The following CDH4 variants were observed in gnomAD, a reference collection of about 807,000 sequenced individuals.
CDH4 encodes the protein cadherin-4.
In CDH4, 33 loss-of-function variants were observed where a neutral mutation model predicts 86.0. The observed-to-expected ratio is 0.38, with a 90% CI of 0.29 to 0.51. The LOEUF (loss-of-function observed/expected upper bound fraction) is 0.51, where lower values mean the gene tolerates loss of function less well. Among genes scored for constraint, CDH4 ranks in the 20% least tolerant of loss-of-function variants. CDH4 has a pLI of 0.86. For synonymous variants in CDH4, 555 were observed against 549.4 expected (o/e 1.01, Z -0.14); for missense variants, 1,114 against 1,307.4 (o/e 0.85, Z 2.28).
intron 9 of CDH4, among the ~76,000 whole-genome samples, chr20:61,921,198 C>CGTGATTGCATGGAAGCACTGTGTCACA (rs2054979017): frequency 7.0e-6 from 1 of 143,160 alleles, no homozygotes; most frequent in Admixed American, 7.1e-5. Context: ...AGCGTGGTGT[C>CGTGATTGCATGGAAGCACTGTGTCACA]GTGATTGCAT....
chr20:61,266,312 C>T (rs2123130112), intron 2 of CDH4, among the ~76,000 whole-genome samples: 1 of 152,038 alleles, frequency 6.6e-6, no homozygotes, highest in East Asian at 2.0e-4. Flanking sequence ...CACTCTGTCT[C>T]TCCCCAGGGG....
chr20:61,627,100 A>G (rs182849721), intron 2 of CDH4, among the ~76,000 whole-genome samples: 31 of 152,160 alleles, frequency 2.0e-4, no homozygotes, highest in African/African-American at 7.2e-4. Context: ...AGAAAGGCCT[A>G]TCAGCTCAGC....
At chr20:61,750,487 T>TCCACA (rs2088479293) in intron 3 of CDH4, among the ~76,000 whole-genome samples, 1 of 152,200 alleles carries the variant, frequency 6.6e-6, no homozygotes, top group Admixed American at 6.5e-5. Context: ...CAAAGAACTG[T>TCCACA]CCACACCTGT....
rs190204992 is a variant in CDH4 at position 61,337,054 on chromosome 20, G to A, written c.169+82117G>A. Among the ~76,000 whole-genome samples, 395 of 152,164 alleles carry A rather than the reference G, an allele frequency of 2.6e-3. 5 individuals carry two copies. The highest frequency in any genetic ancestry group is 0.013 in the South Asian group (61 of 4,814). The stretch of plus-strand genomic sequence containing the variant: ...CACAGCAAGGGCTGGAGACAGGCCT[G>A]GGTTGGAATCCTGACTCAACTGTTC... On this transcript the variant is annotated intron_variant, in intron 2 of 15. Transcript: ENST00000614565.
At position 61,516,834 on chromosome 20, in the gene CDH4, A is replaced by G. The variant is rs1472760517; in HGVS notation, c.170-226729A>G. Among the ~76,000 whole-genome samples, 1 of 152,160 alleles carries G rather than the reference A, an allele frequency of 6.6e-6. No homozygotes were observed. The highest frequency in any genetic ancestry group is 1.5e-5 in the Non-Finnish European group (1 of 68,028). On this transcript the variant is annotated intron_variant, in intron 2 of 15. Coordinates refer to ENST00000614565, the MANE Select transcript of CDH4 (RefSeq NM_001794.5). The surrounding 1 kb of genome is among the most constrained non-coding windows in gnomAD (Gnocchi z 4.0). ...TTGGGAACCTGGGCTCGCTGTCCAC[A>G]CAGCCCCTGCTCCCCTACTCCCTGG...
intron 9 of CDH4, among the ~76,000 whole-genome samples, chr20:61,919,820 C>CACG: frequency 9.4e-6 from 1 of 106,830 alleles, no homozygotes; most frequent in East Asian, 3.9e-4. Flanking sequence ...GGAAGTGTGT[C>CACG]GTGATTGCAT....
chr20:61,570,473 A>C, intron 2 of CDH4: 1 of 568,124 alleles, frequency 1.8e-6, no homozygotes, highest in Non-Finnish European at 3.1e-6. Flanking sequence ...TTCTTCCCAG[A>C]GGCTGGGTCT....
intron 11 of CDH4, among the ~76,000 whole-genome samples, chr20:61,927,411 T>G (rs1410993422): frequency 6.6e-6 from 1 of 152,178 alleles, no homozygotes; most frequent in East Asian, 1.9e-4. Flanking sequence ...CCTCCGTTCA[T>G]GCTGAAGCCA....
At chr20:61,277,033 T>A (rs1351773984) in intron 2 of CDH4, among the ~76,000 whole-genome samples, 1 of 152,178 alleles carries the variant, frequency 6.6e-6, no homozygotes, top group East Asian at 1.9e-4. Context: ...TGTCCCTTTT[T>A]CCCTGTCACA....
chr20:61,445,918 C>T (rs112179152), intron 2 of CDH4, among the ~76,000 whole-genome samples: 5 of 152,336 alleles, frequency 3.3e-5, no homozygotes, highest in South Asian at 2.1e-4. Flanking sequence ...CAGTGCCTGG[C>T]GTCCTTTCCT....
chr20:61,303,788 G>A (rs1006557354), intron 2 of CDH4, among the ~76,000 whole-genome samples: 1 of 152,202 alleles, frequency 6.6e-6, no homozygotes, highest in East Asian at 1.9e-4. Flanking sequence ...CCCGGGACAC[G>A]GAGGCACCAG....
At chr20:61,686,573 G>C (rs534931347) in intron 2 of CDH4, among the ~76,000 whole-genome samples, 44 of 151,876 alleles carry the variant, frequency 2.9e-4, no homozygotes, top group Non-Finnish European at 1.3e-4. Flanking sequence ...GTGCATTCGC[G>C]TGTGTGCATT....
intron 2 of CDH4, among the ~76,000 whole-genome samples, chr20:61,368,149 G>T (rs527680909): frequency 1.2e-3 from 187 of 152,232 alleles, no homozygotes; most frequent in African/African-American, 4.4e-3. Flanking sequence ...GATTACAGGC[G>T]TGAGCCGCTG....
intron 2 of CDH4, among the ~76,000 whole-genome samples, chr20:61,527,550 A>T (rs1410755197): frequency 1.3e-5 from 2 of 152,074 alleles, no homozygotes; most frequent in Non-Finnish European, 2.9e-5. Flanking sequence ...GCGTCCGGCC[A>T]CTATATTTTT....
chr20:61,490,594 GA>G (rs2085620717), intron 2 of CDH4, among the ~76,000 whole-genome samples: 2 of 152,156 alleles, frequency 1.3e-5, no homozygotes, highest in Non-Finnish European at 2.9e-5. Context: ...AGCTACTCGG[GA>G]GGCTGAGGCA....
chr20:61,760,623 C>T (rs1286154564), intron 3 of CDH4, among the ~76,000 whole-genome samples: 2 of 152,236 alleles, frequency 1.3e-5, no homozygotes, highest in Non-Finnish European at 2.9e-5. Context: ...CTCGGTGCAC[C>T]GACACCATGG....
At chr20:61,569,306 A>C (rs892225528) in intron 2 of CDH4, among the ~76,000 whole-genome samples, 1 of 152,194 alleles carries the variant, frequency 6.6e-6, no homozygotes, top group Non-Finnish European at 1.5e-5. Context: ...ATCTCTTGTA[A>C]TTCTCATTTT....
intron 2 of CDH4, among the ~76,000 whole-genome samples, chr20:61,532,419 T>C (rs2085962220): frequency 6.6e-6 from 1 of 152,188 alleles, no homozygotes; most frequent in South Asian, 2.1e-4. Context: ...AAAATGAACC[T>C]CTTCGGTTTC....
At chr20:61,871,199 T>A (rs966777106) in intron 6 of CDH4, among the ~76,000 whole-genome samples, 9 of 151,216 alleles carry the variant, frequency 6.0e-5, no homozygotes, top group Admixed American at 5.9e-4. Context: ...CAGGTGGTAA[T>A]TTTTTGTTTT....
Sources: gnomAD v4.1 joint callset for allele counts (sites outside exome capture counted in the v4.1 genomes callset) on GRCh38, gnomAD v4.1.1 for gene constraint, Gnocchi (gnomAD v3.1) non-coding constraint, MANE v1.5 for transcripts, NCBI Gene and HGNC (gene_info 2026-07-23, HGNC 2026-07-21) for gene names.